The following PRDM5 variants were observed in gnomAD, a reference collection of about 807,000 sequenced individuals.
The protein encoded by PRDM5 is PR domain zinc finger protein 5.
PRDM5 carries 56 observed loss-of-function variants against 81.2 expected under a neutral mutation model. The observed-to-expected ratio is 0.69, with a 90% CI of 0.56 to 0.86. PRDM5 has a LOEUF of 0.86. Among genes scored for constraint, PRDM5 ranks in the 40% least tolerant of loss-of-function variants. The pLI is 0.00. For synonymous variants in PRDM5, 267 were observed against 256.4 expected (o/e 1.04, Z -0.39); for missense variants, 697 against 770.1 (o/e 0.91, Z 1.12).
At chr4:120,817,571 T>C (rs903687534) in intron 5 of PRDM5, among the ~76,000 whole-genome samples, 2 of 152,158 alleles carry the variant, frequency 1.3e-5, no homozygotes, top group Non-Finnish European at 2.9e-5. Context: ...ATATTGGAAG[T>C]AATTGGCTTC....
intron 1 of PRDM5, among the ~76,000 whole-genome samples, chr4:120,686,694 C>G (rs1733845400): frequency 6.6e-6 from 1 of 151,910 alleles, no homozygotes; most frequent in Non-Finnish European, 1.5e-5. Context: ...TATATTAACA[C>G]TCATCTCAAA....
At chr4:120,734,799 G>A (rs766335197) in intron 14 of PRDM5, among the ~76,000 whole-genome samples, 3 of 152,006 alleles carry the variant, frequency 2.0e-5, no homozygotes, top group African/African-American at 4.8e-5. Flanking sequence ...TGTTTCTTCC[G>A]ACACCTTTCC....
At chr4:120,754,132 T>C (rs1416390634) in intron 14 of PRDM5, among the ~76,000 whole-genome samples, 8 of 152,208 alleles carry the variant, frequency 5.3e-5, no homozygotes, top group Admixed American at 2.0e-4. Flanking sequence ...TTATCTGCAA[T>C]GTCTTTCTTG....
chr4:120,761,973 T>C (rs1426152490), intron 13 of PRDM5, among the ~76,000 whole-genome samples: 1 of 152,168 alleles, frequency 6.6e-6, no homozygotes, highest in Non-Finnish European at 1.5e-5. Context: ...TAAAAAAGTG[T>C]ACAGCCAATG....
intron 1 of PRDM5, among the ~76,000 whole-genome samples, chr4:120,910,002 A>G (rs1766313581): frequency 6.6e-6 from 1 of 152,042 alleles, no homozygotes. Flanking sequence ...CAAAGAAAAG[A>G]CAAAAAAAAC....
chr4:120,886,277 A>G (rs1009390849), intron 2 of PRDM5, among the ~76,000 whole-genome samples: 1 of 152,242 alleles, frequency 6.6e-6, no homozygotes, highest in African/African-American at 2.4e-5. Context: ...CAAACACCTA[A>G]AAGGACTTCC....
At position 120,798,400 on chromosome 4, in the gene PRDM5, A is replaced by G. The variant is rs773224489; in HGVS notation, c.1055T>C (p.Ile352Thr). 1.1e-5 allele frequency: 17 copies of G among 1,611,254 alleles called. No homozygotes were observed. The highest frequency in any genetic ancestry group is 1.7e-5 in the Admixed American group (1 of 59,792). The change falls in exon 10 of 16, where the codon ATT (isoleucine) becomes ACT (threonine). Residue 352 changes from isoleucine to threonine, a missense_variant. Physicochemically the swap from Ile to Thr is moderately conservative, Grantham distance 89. Transcript: ENST00000264808. ...HSEKRPYNCEICNKSFKRLDQ... is the reference protein window; with the variant it reads ...HSEKRPYNCETCNKSFKRLDQ... ...AAGCCTCTTGAAAGACTTATTACAA[A>G]TCTCGCAATTATAGGGTCGTTTTTC...
chr4:120,762,835 TAACCTA>T (rs1745828423), intron 13 of PRDM5: 1 of 152,196 alleles, frequency 6.6e-6, no homozygotes, highest in Admixed American at 6.5e-5. Context: ...GAATCTCACT[TAACCTA>T]AACAAGTTAA....
chr4:120,762,444 C>G (rs905155912), intron 13 of PRDM5: 8 of 152,220 alleles, frequency 5.3e-5, no homozygotes, highest in South Asian at 2.1e-4. Context: ...TTTAGAAGAA[C>G]TTTACATTTT....
At chr4:120,827,226 T>TC (rs1561404129) in intron 3 of PRDM5, among the ~76,000 whole-genome samples, 3 of 152,190 alleles carry the variant, frequency 2.0e-5, no homozygotes, top group Non-Finnish European at 4.4e-5. Context: ...TGTATCAGAC[T>TC]GGTCATTTTG....
chr4:120,849,722 T>G (rs1275337156), intron 3 of PRDM5, among the ~76,000 whole-genome samples: 1 of 152,138 alleles, frequency 6.6e-6, no homozygotes, highest in Non-Finnish European at 1.5e-5. Context: ...ACAGAAATTT[T>G]TAAGAGCCTG....
At chr4:120,755,946 G>T (rs1481706221) in intron 13 of PRDM5, among the ~76,000 whole-genome samples, 3 of 152,128 alleles carry the variant, frequency 2.0e-5, no homozygotes, top group Admixed American at 6.5e-5. Flanking sequence ...ACCCAAAGTA[G>T]CAATAAACTA....
chr4:120,849,420 T>C (rs1438313701), intron 3 of PRDM5, among the ~76,000 whole-genome samples: 3 of 152,188 alleles, frequency 2.0e-5, no homozygotes, highest in African/African-American at 7.2e-5. Flanking sequence ...GACAGCAGAA[T>C]TGGGGCAGAG....
chr4:120,784,753 T>G (rs1166173186), intron 11 of PRDM5, among the ~76,000 whole-genome samples: 2 of 152,090 alleles, frequency 1.3e-5, no homozygotes, highest in African/African-American at 2.4e-5. Context: ...ATAGAAACTT[T>G]AAATAATGGG....
At chr4:120,759,012 C>T (rs1010867055) in intron 13 of PRDM5, among the ~76,000 whole-genome samples, 3 of 152,144 alleles carry the variant, frequency 2.0e-5, no homozygotes, top group Non-Finnish European at 4.4e-5. Context: ...ACCTCAACCA[C>T]CCAAAGTGCT....
At chr4:120,733,361 G>A (rs1740549511) in intron 14 of PRDM5, among the ~76,000 whole-genome samples, 1 of 152,086 alleles carries the variant, frequency 6.6e-6, no homozygotes. Flanking sequence ...CGCACACCTT[G>A]GGCTCTCTCC....
intron 3 of PRDM5, among the ~76,000 whole-genome samples, chr4:120,852,693 GTATACACACATA>G (rs1759409436): frequency 1.3e-5 from 2 of 150,060 alleles, no homozygotes; most frequent in Non-Finnish European, 3.0e-5. Context: ...ACATATACAT[GTATACACACATA>G]TATACACACA....
At chr4:120,844,864 C>A (rs1316822733) in intron 3 of PRDM5, among the ~76,000 whole-genome samples, 1 of 152,226 alleles carries the variant, frequency 6.6e-6, no homozygotes, top group East Asian at 1.9e-4. Context: ...AGGAAAAGTT[C>A]TTGAAAGAAA....
intron 2 of PRDM5, among the ~76,000 whole-genome samples, chr4:120,898,710 C>T (rs536559546): frequency 1.3e-5 from 2 of 152,132 alleles, no homozygotes; most frequent in African/African-American, 2.4e-5. Flanking sequence ...TGTTCAAGTT[C>T]GTATCAGACA....
Sources: gnomAD v4.1 joint callset for allele counts (sites outside exome capture counted in the v4.1 genomes callset) on GRCh38, gnomAD v4.1.1 for gene constraint, MANE v1.5 for transcripts, NCBI Gene and HGNC (gene_info 2026-07-23, HGNC 2026-07-21) for gene names.